Variants in CSMD1 observed in about 807,000 individuals in gnomAD.
CSMD1 encodes CUB and sushi domain-containing protein 1.
CSMD1 carries 213 observed loss-of-function variants against 417.5 expected under a neutral mutation model. The ratio of observed to expected loss-of-function variants is 0.51; its 90% CI spans 0.46 to 0.57. CSMD1 has a LOEUF of 0.57. Among genes scored for constraint, CSMD1 ranks in the 20% least tolerant of loss-of-function variants. The pLI is 0.00. For synonymous variants in CSMD1, 2,862 were observed against 1,736.8 expected (o/e 1.65, Z -16.11); for missense variants, 6,923 against 4,529.7 (o/e 1.53, Z -15.17).
chr8:3,270,221 T>C (rs930676037), intron 26 of CSMD1, among the ~76,000 whole-genome samples: 5 of 152,094 alleles, frequency 3.3e-5, no homozygotes, highest in African/African-American at 9.6e-5. Flanking sequence ...TGCTAATTTT[T>C]TTATCTTTTT....
chr8:3,838,488 G>A (rs972331200), intron 5 of CSMD1, among the ~76,000 whole-genome samples: 1 of 138,184 alleles, frequency 7.2e-6, no homozygotes, highest in Non-Finnish European at 1.5e-5. Flanking sequence ...ATAGCCTATA[G>A]ATATATAGCC....
intron 17 of CSMD1, 121 bp from the exon 18 acceptor site, chr8:3,387,803 G>C (rs1011767563): frequency 1.5e-5 from 12 of 790,940 alleles, no homozygotes; most frequent in Non-Finnish European, 1.2e-5. Flanking sequence ...CATTATGCAA[G>C]TGAACCCAAC....
In CSMD1 at chr8:3,500,235, G is replaced by A. The variant is rs533106588; in HGVS notation, c.1345-6509C>T. Among the ~76,000 whole-genome samples, 6 of 152,282 alleles carry A rather than the reference G, an allele frequency of 3.9e-5. No homozygotes were observed. The East Asian group carries it at 7.7e-4, about 20-fold the overall frequency. ...CTCCCCTAGACACTGCACTTGACAT[G>A]TGCTTACCTACTTGTCATTTTGGTT... is the stretch of plus-strand genomic sequence containing the variant. On this transcript the variant is annotated intron_variant, in intron 10 of 69. Transcript: ENST00000635120.
chr8:3,807,179 C>A (rs147700256), intron 5 of CSMD1, among the ~76,000 whole-genome samples: 2,242 of 152,202 alleles, frequency 0.015, 47 homozygotes, highest in East Asian at 0.038. Flanking sequence ...TCTCTTGTGA[C>A]CTTCTAAAAT....
rs145492527 is a variant in CSMD1 at position 4,051,801 on chromosome 8, C to T, written c.416-19702G>A. On this transcript the variant is annotated intron_variant, in intron 3 of 69. Transcript: ENST00000635120. ...TGTCCCAGGTGTGATGGACACCATA[C>T]AATACTGACAGTTTTCTTCTCTTTC... Among the ~76,000 whole-genome samples the T allele has an allele frequency of 4.3e-3, 651 of 152,302 alleles. 6 individuals carry two copies. Among genetic ancestry groups the T allele is most frequent in the African/African-American group, 0.015 (619 of 41,558 alleles).
At chr8:4,245,147 C>T (rs1394236806) in intron 3 of CSMD1, among the ~76,000 whole-genome samples, 1 of 152,172 alleles carries the variant, frequency 6.6e-6, no homozygotes, top group Non-Finnish European at 1.5e-5. Context: ...CATGGAAATG[C>T]CTGGGTTCAG....
intron 1 of CSMD1, among the ~76,000 whole-genome samples, chr8:4,700,867 G>C (rs1014184217): frequency 3.3e-5 from 5 of 152,128 alleles, no homozygotes; most frequent in Non-Finnish European, 5.9e-5. Flanking sequence ...AAGAACAATA[G>C]ACCTACAGTG....
intron 3 of CSMD1, among the ~76,000 whole-genome samples, chr8:4,258,071 G>C (rs1318734274): frequency 1.3e-5 from 2 of 151,736 alleles, no homozygotes; most frequent in African/African-American, 4.8e-5. Flanking sequence ...AGCCTCCCTA[G>C]TAACTGGGAC....
intron 50 of CSMD1, among the ~76,000 whole-genome samples, chr8:3,038,347 C>A (rs1810831910): frequency 6.6e-6 from 1 of 152,070 alleles, no homozygotes; most frequent in Non-Finnish European, 1.5e-5. Context: ...GAGTCTAATC[C>A]AACCCCTGGG....
At chr8:2,941,377 G>A (rs1351049578) in intron 69 of CSMD1, among the ~76,000 whole-genome samples, 1 of 152,178 alleles carries the variant, frequency 6.6e-6, no homozygotes, top group Non-Finnish European at 1.5e-5. Flanking sequence ...CCAGAATTAA[G>A]TGAAATATCT....
intron 3 of CSMD1, among the ~76,000 whole-genome samples, chr8:4,126,806 C>T (rs1447801179): frequency 6.6e-6 from 1 of 152,146 alleles, no homozygotes; most frequent in African/African-American, 2.4e-5. Flanking sequence ...GAGATGTGTC[C>T]TAACCTGGGG....
intron 2 of CSMD1, among the ~76,000 whole-genome samples, chr8:4,437,765 C>T (rs186827035): frequency 7.9e-4 from 120 of 152,174 alleles, no homozygotes; most frequent in African/African-American, 2.6e-3. Context: ...GGTGTGAAGA[C>T]AGAGATCTTT....
At chr8:3,462,632 G>A (rs905132886) in intron 12 of CSMD1, among the ~76,000 whole-genome samples, 6 of 152,108 alleles carry the variant, frequency 3.9e-5, no homozygotes, top group African/African-American at 1.2e-4. Flanking sequence ...TCTACATTAT[G>A]GAGAGTTGTA....
chr8:3,500,758 C>G (rs1341735032), intron 10 of CSMD1, among the ~76,000 whole-genome samples: 1 of 152,038 alleles, frequency 6.6e-6, no homozygotes, highest in East Asian at 1.9e-4. Flanking sequence ...ACATGGATAA[C>G]CATGGCAAGA....
At chr8:3,474,610 G>C (rs979327627) in intron 11 of CSMD1, among the ~76,000 whole-genome samples, 1 of 152,120 alleles carries the variant, frequency 6.6e-6, no homozygotes, top group Non-Finnish European at 1.5e-5. Context: ...CTTTTTGTGA[G>C]CAGAAATATG....
At chr8:3,691,620 A>G (rs139470703) in intron 7 of CSMD1, among the ~76,000 whole-genome samples, 212 of 152,310 alleles carry the variant, frequency 1.4e-3, no homozygotes, top group African/African-American at 4.9e-3. Flanking sequence ...ACAAAAATAT[A>G]TAACAACTGA....
chr8:4,647,236 T>C (rs1179683364), intron 1 of CSMD1, among the ~76,000 whole-genome samples: 1 of 81,830 alleles, frequency 1.2e-5, no homozygotes, highest in Admixed American at 1.1e-4. Context: ...GCTGTTTCTA[T>C]TTTTTTTTTT....
Position 4,194,873 on chromosome 8 carries a change from T to G in CSMD1, c.416-162774A>C, listed in dbSNP as rs560149683. On this transcript the variant is annotated intron_variant, in intron 3 of 69. Coordinates refer to ENST00000635120, the MANE Select transcript of CSMD1 (RefSeq NM_033225.6). ...CCCACTGTATTATACCCATTTTCAT[T>G]GGTCAGCCACATAATTAGAACTGTT... Among the ~76,000 whole-genome samples the G allele has an allele frequency of 3.3e-5, 5 of 152,284 alleles. No individual in the cohort carries two copies. In the South Asian group the frequency reaches 6.2e-4, roughly 19 times the overall value.
chr8:3,633,717 A>C (rs569164264), intron 7 of CSMD1, among the ~76,000 whole-genome samples: 19 of 152,340 alleles, frequency 1.2e-4, no homozygotes, highest in African/African-American at 4.6e-4. Context: ...TCAATTAAAA[A>C]TGGAAATGTC....
Sources: gnomAD v4.1 joint callset for allele counts (sites outside exome capture counted in the v4.1 genomes callset) on GRCh38, gnomAD v4.1.1 for gene constraint, MANE v1.5 for transcripts, NCBI Gene and HGNC (gene_info 2026-07-23, HGNC 2026-07-21) for gene names.